SRGAP3: variants seen among roughly 807,000 people sequenced by gnomAD.
SRGAP3 encodes the protein SLIT-ROBO Rho GTPase activating protein 3, also known as SLIT-ROBO Rho GTPase-activating protein 3.
A neutral mutation model predicts 121.1 loss-of-function variants in SRGAP3; 39 were observed. The ratio of observed to expected loss-of-function variants is 0.32; its 90% confidence interval spans 0.25 to 0.42. SRGAP3 has a LOEUF of 0.42. Among genes scored for constraint, SRGAP3 ranks in the 10% least tolerant of loss-of-function variants. SRGAP3 has a pLI of 1.00. For missense variants in SRGAP3, 1,213 were observed against 1,470.6 expected, an observed-to-expected ratio of 0.82 and a Z score of 2.86; for synonymous variants, 601 against 570.0, an observed-to-expected ratio of 1.05 and a Z score of -0.77.
chr3:9,227,152 A>T (rs1346557582), intron 1 of SRGAP3, among the ~76,000 whole-genome samples: 3 of 152,190 alleles, frequency 2.0e-5, no homozygotes, highest in Non-Finnish European at 4.4e-5. Context: ...CCATTTTCTA[A>T]GAGCTGCCAG....
At chr3:9,028,119 T>C (rs1944304029) in intron 12 of SRGAP3, 1 of 1,614,072 alleles carries the variant, frequency 6.2e-7, no homozygotes, top group South Asian at 1.1e-5. Flanking sequence ...GGTTCGAGCA[T>C]TTCTTCTTCC....
At position 9,112,555 on chromosome 3, in the gene SRGAP3, C is replaced by T. The variant is rs563440205; in HGVS notation, c.261-7713G>A. On this transcript the variant is annotated intron_variant, in intron 2 of 21. Transcript: ENST00000383836. ...CACAAAAATCAATAGAAAATGGCAG[C>T]GGGAAGAAGGGCTCTGAAGGAGAAA... Among the ~76,000 whole-genome samples the T allele has an allele frequency of 1.5e-4, 23 of 152,258 alleles. No homozygotes were observed. In the South Asian group the frequency reaches 3.5e-3, roughly 23 times the overall value.
chr3:9,112,968 G>A (rs1038183122), intron 2 of SRGAP3, among the ~76,000 whole-genome samples: 10 of 152,334 alleles, frequency 6.6e-5, no homozygotes, highest in African/African-American at 2.4e-4. Flanking sequence ...TTTTAACACA[G>A]CACAGTGATA....
At chr3:9,211,905 G>A (rs1444777940) in intron 1 of SRGAP3, among the ~76,000 whole-genome samples, 1 of 151,744 alleles carries the variant, frequency 6.6e-6, no homozygotes. Context: ...CAAACTCCTG[G>A]CCTCAAGTGA....
chr3:9,134,989 T>C (rs1949590835), intron 1 of SRGAP3, among the ~76,000 whole-genome samples: 1 of 152,226 alleles, frequency 6.6e-6, no homozygotes. Flanking sequence ...GTTGTGAGAA[T>C]GGTATGTGTT....
At chr3:9,069,719 C>T (rs545353391) in intron 4 of SRGAP3, among the ~76,000 whole-genome samples, 6 of 152,258 alleles carry the variant, frequency 3.9e-5, no homozygotes, top group East Asian at 1.9e-4. Flanking sequence ...GAGGCCAAGG[C>T]GGGCAGATCA....
intron 1 of SRGAP3, chr3:9,194,361 A>G (rs931476846): frequency 6.6e-6 from 1 of 152,172 alleles, no homozygotes; most frequent in South Asian, 2.1e-4. Flanking sequence ...AAAAAAAAAA[A>G]CCTATGTCAT....
intron 2 of SRGAP3, chr3:9,326,239 C>G (rs900051459): frequency 6.6e-6 from 1 of 151,966 alleles, no homozygotes; most frequent in South Asian, 2.1e-4. Flanking sequence ...TACACTATAG[C>G]ATAATAATCT....
intron 3 of SRGAP3, among the ~76,000 whole-genome samples, chr3:9,095,329 T>C (rs972730359): frequency 2.6e-5 from 4 of 152,092 alleles, no homozygotes; most frequent in African/African-American, 9.7e-5. Context: ...TGCTTTCTAA[T>C]GTTTTCTTTA....
chr3:9,057,473 C>A (rs1309034582), intron 7 of SRGAP3, among the ~76,000 whole-genome samples: 1 of 152,228 alleles, frequency 6.6e-6, no homozygotes, highest in Non-Finnish European at 1.5e-5. Flanking sequence ...AGCAGTGCAG[C>A]CCTGCAGAAG....
chr3:9,195,968 C>CA (rs999392816), intron 1 of SRGAP3, among the ~76,000 whole-genome samples: 1 of 151,800 alleles, frequency 6.6e-6, no homozygotes, highest in Non-Finnish European at 1.5e-5. Flanking sequence ...AAAAAAACAA[C>CA]AAAAAAGAAA....
chr3:9,118,096 C>T (rs1423577807), intron 2 of SRGAP3, among the ~76,000 whole-genome samples: 1 of 152,136 alleles, frequency 6.6e-6, no homozygotes, highest in Non-Finnish European at 1.5e-5. Context: ...CACACCACTA[C>T]ATTCCAGCTT....
intron 3 of SRGAP3, among the ~76,000 whole-genome samples, chr3:9,094,816 T>C (rs1432432816): frequency 6.6e-6 from 1 of 152,092 alleles, no homozygotes; most frequent in Non-Finnish European, 1.5e-5. Context: ...AGTGCAGTAG[T>C]GTAATCATAG....
Position 9,325,366 on chromosome 3 carries a change from A to G in SRGAP3, n.442+644T>C, listed in dbSNP as rs147869031. 2.7e-3 allele frequency among the ~76,000 whole-genome samples: 412 copies of G among 152,024 alleles called. 2 individuals carry two copies. Among genetic ancestry groups the G allele is most frequent in the South Asian group, 0.014 (66 of 4,824 alleles). ...ATTCACTTGACTGAGTGGTCTTTTCATTAATCCCATAAAACTGAATTTTTA... is the reference window on the plus strand; with the variant it reads ...ATTCACTTGACTGAGTGGTCTTTTCGTTAATCCCATAAAACTGAATTTTTA... On this transcript the variant is annotated intron_variant and non_coding_transcript_variant, in intron 3 of 3. Coordinates refer to the SRGAP3 transcript ENST00000490889.
At chr3:8,995,792 T>C (rs2124954640) in intron 18 of SRGAP3, among the ~76,000 whole-genome samples, 1 of 152,352 alleles carries the variant, frequency 6.6e-6, no homozygotes, top group Non-Finnish European at 1.5e-5. Context: ...ACTGATTTTG[T>C]ATAGGTATTA....
At chr3:9,326,939 G>C (rs1457017042) in intron 2 of SRGAP3, among the ~76,000 whole-genome samples, 1 of 151,744 alleles carries the variant, frequency 6.6e-6, no homozygotes, top group African/African-American at 2.4e-5. Context: ...AATGAAGATA[G>C]CATGAGGCCA....
At chr3:9,219,265 C>T (rs1483471325) in intron 1 of SRGAP3, 1 of 152,148 alleles carries the variant, frequency 6.6e-6, no homozygotes, top group Non-Finnish European at 1.5e-5. Context: ...GACTTTCCAA[C>T]AATGCAAATA....
intron 3 of SRGAP3, among the ~76,000 whole-genome samples, chr3:9,272,621 A>G (rs1233973667): frequency 6.6e-6 from 1 of 152,190 alleles, no homozygotes; most frequent in Admixed American, 6.5e-5. Flanking sequence ...TCTAATGTAT[A>G]TATGTATCAA....
intron 3 of SRGAP3, among the ~76,000 whole-genome samples, chr3:9,284,484 C>T (rs898342361): frequency 6.6e-5 from 10 of 152,282 alleles, no homozygotes; most frequent in Non-Finnish European, 1.3e-4. Context: ...TTGCACCATT[C>T]GTGCGAAAGT....
Sources: gnomAD v4.1 joint callset for allele counts (sites outside exome capture counted in the v4.1 genomes callset) on GRCh38, gnomAD v4.1.1 for gene constraint, MANE v1.5 for transcripts, NCBI Gene and HGNC (gene_info 2026-07-23, HGNC 2026-07-21) for gene names.